PDE4A: variants seen among roughly 807,000 people sequenced by gnomAD.
PDE4A encodes the protein phosphodiesterase 4A.
PDE4A carries 21 observed loss-of-function variants against 73.9 expected under a neutral mutation model. That is an observed-to-expected ratio of 0.28 (90% CI 0.20 to 0.41). The LOEUF is 0.41. Ranked by LOEUF, PDE4A falls within the 10% of genes least tolerant of loss-of-function variation. PDE4A has a pLI of 1.00. For synonymous variants in PDE4A, 463 were observed against 505.4 expected, an observed-to-expected ratio of 0.92 and a Z score of 1.13; for missense variants, 958 against 1,211.4, an observed-to-expected ratio of 0.79 and a Z score of 3.10.
chr19:10,460,485 T>A (rs1486433401), intron 10 of PDE4A, among the ~76,000 whole-genome samples: 1 of 145,476 alleles, frequency 6.9e-6, no homozygotes, highest in East Asian at 2.1e-4. Flanking sequence ...GGCAACAAAG[T>A]GAGACTTCAT....
upstream of PDE4A, chr19:10,416,864 C>A (rs1417091609): frequency 7.8e-6 from 12 of 1,533,728 alleles, no homozygotes; most frequent in African/African-American, 1.4e-5. Flanking sequence ...ATGGCAGATG[C>A]GTTTGGCTTG....
At chr19:10,442,879 G>T (rs1324053556) in intron 1 of PDE4A, among the ~76,000 whole-genome samples, 1 of 149,128 alleles carries the variant, frequency 6.7e-6, no homozygotes, top group African/African-American at 2.5e-5. Flanking sequence ...ATTAGTAATA[G>T]TGCATATACA....
At chr19:10,434,889 C>CTTTTTTTTTTT (rs377462932) in intron 1 of PDE4A, among the ~76,000 whole-genome samples, 1 of 107,254 alleles carries the variant, frequency 9.3e-6, no homozygotes, top group African/African-American at 3.7e-5. Context: ...CTGTGCCCAG[C>CTTTTTTTTTTT]TTTTTTTTTT....
rs201767488 is a variant in PDE4A at position 10,449,002 on chromosome 19, C to T, written c.549+49C>T. 7.9e-5 allele frequency: 127 copies of T among 1,611,540 alleles called. No individual in the cohort carries two copies. In the Middle Eastern group the frequency reaches 1.2e-3, roughly 15 times the overall value. Reference sequence around the variant, plus strand: ...AAGGAGAGAAGGGGCTCCAATGCTCCGCCACACTTGGGGACAGGGCCCAGC... The same window carrying T: ...AAGGAGAGAAGGGGCTCCAATGCTCTGCCACACTTGGGGACAGGGCCCAGC... On this transcript the variant is annotated intron_variant, in intron 3 of 14. Coordinates refer to ENST00000380702, the MANE Select transcript of PDE4A (RefSeq NM_001111307.2).
At chr19:10,429,641 A>T (rs1300388096) in intron 1 of PDE4A, among the ~76,000 whole-genome samples, 1 of 152,146 alleles carries the variant, frequency 6.6e-6, no homozygotes, top group Non-Finnish European at 1.5e-5. Context: ...CCTGCCTTCT[A>T]GGGGTGTCTT....
rs28610998 is a variant in PDE4A at position 10,431,007 on chromosome 19, C to G, written c.320+9923C>G. On this transcript the variant is annotated intron_variant, in intron 1 of 14. Coordinates refer to ENST00000380702, the MANE Select transcript of PDE4A (RefSeq NM_001111307.2). ...CTCCTCGCCCGTCTTCTTCGCCAGC[C>G]CGTCCCCAACTTTCCGCAGACGCCT... 1.4e-3 allele frequency: 2,246 copies of G among 1,578,380 alleles called. 32 individuals are homozygous for G. In the African/African-American group the frequency reaches 0.027, roughly 19 times the overall value.
At chr19:10,441,156 C>G (rs1032635606) in intron 1 of PDE4A, among the ~76,000 whole-genome samples, 1 of 152,016 alleles carries the variant, frequency 6.6e-6, no homozygotes, top group Non-Finnish European at 1.5e-5. Context: ...CAGTCTTAGC[C>G]TCCCAGTAGC....
intron 1 of PDE4A, among the ~76,000 whole-genome samples, chr19:10,425,301 G>A (rs1372427663): frequency 6.6e-6 from 1 of 152,080 alleles, no homozygotes; most frequent in African/African-American, 2.4e-5. Context: ...AGCCCTGCCC[G>A]CTGACTCGCT....
intron 1 of PDE4A, among the ~76,000 whole-genome samples, chr19:10,437,618 A>G (rs1054207057): frequency 5.9e-5 from 9 of 151,868 alleles, no homozygotes; most frequent in Non-Finnish European, 1.0e-4. Context: ...GGGTCTTGCT[A>G]TGTTGCCCAG....
chr19:10,417,303 A>G (rs2042597509), upstream of PDE4A: 1 of 984,838 alleles, frequency 1.0e-6, no homozygotes. Flanking sequence ...GGAGGGGGGC[A>G]TTGACATTAA....
chr19:10,434,748 C>T lies in PDE4A; in HGVS notation c.321-11470C>T, dbSNP rs570200549. On this transcript the variant is annotated intron_variant, in intron 1 of 14. Coordinates refer to ENST00000380702, the MANE Select transcript of PDE4A (RefSeq NM_001111307.2). ...TAGGATTACAAGCGCCCCGCCACCA[C>T]GCCTGGCTAATTTTTATATTTTTAG... Among the ~76,000 whole-genome samples, 506 of 152,048 alleles carry T rather than the reference C, an allele frequency of 3.3e-3. 1 individual carries two copies. Among genetic ancestry groups the T allele is most frequent in the Non-Finnish European group, 6.2e-3 (422 of 67,976 alleles).
rs1422208121 is a variant in PDE4A, at chr19:10,420,947, G to T, written c.183G>T (p.Pro61=). 1.3e-6 allele frequency: 2 copies of T among 1,563,188 alleles called. No individual in the cohort carries two copies. Among genetic ancestry groups the T allele is most frequent in the Admixed American group, 3.6e-5 (2 of 55,400 alleles). The change falls in exon 1 of 15, where the codon CCG becomes CCT. Residue 61 remains proline, a synonymous_variant. Coordinates refer to ENST00000380702, the MANE Select transcript of PDE4A (RefSeq NM_001111307.2). This position sits in a 1 kb window ranked among gnomAD's most constrained non-coding sequence, Gnocchi z 6.0. ...SAERAERERQ[P]HRPIERADAM... ...AGCGCGCCGAGCGGGAGCGGCAGCC[G>T]CACCGGCCCATAGAGCGCGCCGATG...
chr19:10,419,230 G>GGGGA (rs1395306932), upstream of PDE4A: 2 of 207,698 alleles, frequency 9.6e-6, no homozygotes, highest in East Asian at 3.9e-4. Context: ...TCGGCGTGGG[G>GGGGA]GGGGGGGGCG....
In PDE4A at chr19:10,463,982, G is replaced by A; in HGVS notation, c.1926+7G>A. 2 of 1,614,036 alleles carry A rather than the reference G, an allele frequency of 1.2e-6. No individual in the cohort carries two copies. Among genetic ancestry groups the A allele is most frequent in the Non-Finnish European group, 1.7e-6 (2 of 1,179,948 alleles). On this transcript the variant is annotated splice_region_variant and intron_variant, in intron 14 of 14. Coordinates refer to ENST00000380702, the MANE Select transcript of PDE4A (RefSeq NM_001111307.2). ...CTCCGTGGAGAAGTCTCAGGTACAG[G>A]CTCGGGGCATTGATGGACGGGCACA...
intron 9 of PDE4A, 45 bp downstream of exon 9, chr19:10,459,543 C>A (rs760922491): frequency 1.2e-6 from 2 of 1,610,844 alleles, no homozygotes; most frequent in Non-Finnish European, 1.7e-6. Flanking sequence ...GGGCTCATAG[C>A]GGGGCGCTGG....
chr19:10,446,119 A>G, intron 1 of PDE4A, 99 bp from the exon 2 acceptor site: 1 of 1,474,884 alleles, frequency 6.8e-7, no homozygotes, highest in Non-Finnish European at 9.0e-7. Context: ...GATTACAGGC[A>G]TTACAGGCGT....
intron 1 of PDE4A, among the ~76,000 whole-genome samples, chr19:10,437,269 G>A (rs2042877560): frequency 2.0e-5 from 3 of 151,994 alleles, no homozygotes; most frequent in Admixed American, 6.6e-5. Flanking sequence ...GATCACAGGC[G>A]CACACCAGCA....
Position 10,429,828 on chromosome 19 carries a change from T to A in PDE4A, c.320+8744T>A, listed in dbSNP as rs142524553. On this transcript the variant is annotated intron_variant, in intron 1 of 14. Transcript: ENST00000380702. The stretch of plus-strand genomic sequence containing the variant: ...ACCCCAGATTTTGCTGGCATCTCCA[T>A]GGTTACTAGGGCATCCCCTGAGTCT... 1.1e-3 allele frequency among the ~76,000 whole-genome samples: 172 copies of A among 152,186 alleles called. 1 individual carries two copies. Among genetic ancestry groups the A allele is most frequent in the African/African-American group, 4.1e-3 (171 of 41,514 alleles).
upstream of PDE4A, chr19:10,417,024 CTTCGCCCCTTGGGGGAGACT>C: frequency 6.5e-7 from 1 of 1,534,358 alleles, no homozygotes. Flanking sequence ...AGGGGCGGGG[CTTCGCCCCTTGGGGGAGACT>C]AGCGCCCTCT....
Sources: gnomAD v4.1 joint callset for allele counts (sites outside exome capture counted in the v4.1 genomes callset) on GRCh38, gnomAD v4.1.1 for gene constraint, Gnocchi (gnomAD v3.1) non-coding constraint, MANE v1.5 for transcripts, NCBI Gene and HGNC (gene_info 2026-07-23, HGNC 2026-07-21) for gene names.